Variants in ASAP2 observed in about 807,000 individuals in gnomAD.
ASAP2 encodes the protein ArfGAP with SH3 domain, ankyrin repeat and PH domain 2.
Under a neutral mutation model 131.4 loss-of-function variants are expected in ASAP2, and 45 were observed. That is an observed-to-expected ratio of 0.34 (90% CI 0.27 to 0.44). ASAP2 has a LOEUF of 0.44. Among genes scored for constraint, ASAP2 ranks in the 20% least tolerant of loss-of-function variants. ASAP2 has a pLI of 1.00. For synonymous variants in ASAP2, 510 were observed against 503.0 expected, an observed-to-expected ratio of 1.01 and a Z score of -0.19; for missense variants, 1,011 against 1,297.0, an observed-to-expected ratio of 0.78 and a Z score of 3.39.
intron 1 of ASAP2, among the ~76,000 whole-genome samples, chr2:9,270,867 A>T (rs1396343057): frequency 2.3e-5 from 3 of 131,576 alleles, no homozygotes; most frequent in Non-Finnish European, 4.6e-5. Context: ...ATCTCGGCTC[A>T]CTGCAAGCCC....
chr2:9,284,347 T>C (rs1013543406), intron 2 of ASAP2, among the ~76,000 whole-genome samples: 2 of 152,226 alleles, frequency 1.3e-5, no homozygotes, highest in African/African-American at 4.8e-5. Context: ...TGCTCCTGAT[T>C]GTTCTCTAGT....
chr2:9,387,077 G>GGC (rs386642992), intron 21 of ASAP2, among the ~76,000 whole-genome samples: 3 of 148,524 alleles, frequency 2.0e-5, no homozygotes, highest in Non-Finnish European at 4.5e-5. Context: ...TTGGTGGTGG[G>GGC]TGGGGGGGCG....
At chr2:9,347,770 C>T (rs1226990199) in intron 11 of ASAP2, among the ~76,000 whole-genome samples, 1 of 152,206 alleles carries the variant, frequency 6.6e-6, no homozygotes, top group Non-Finnish European at 1.5e-5. Flanking sequence ...AGGATTGCCA[C>T]ACCACTGAGG....
At chr2:9,327,076 C>T (rs1296845503) in intron 6 of ASAP2, among the ~76,000 whole-genome samples, 1 of 152,208 alleles carries the variant, frequency 6.6e-6, no homozygotes, top group Non-Finnish European at 1.5e-5. Flanking sequence ...CTTTCCACCT[C>T]CTCCTTGGGC....
At chr2:9,366,054 C>G (rs952281279) in intron 15 of ASAP2, among the ~76,000 whole-genome samples, 2 of 152,152 alleles carry the variant, frequency 1.3e-5, no homozygotes, top group Non-Finnish European at 2.9e-5. Flanking sequence ...TTCCTGCCCC[C>G]TTGGTTTCTG....
intron 1 of ASAP2, among the ~76,000 whole-genome samples, chr2:9,273,323 T>C (rs1666538581): frequency 6.6e-6 from 1 of 152,222 alleles, no homozygotes; most frequent in South Asian, 2.1e-4. Context: ...GGGATTATTT[T>C]CTTGATTGCT....
intron 11 of ASAP2, among the ~76,000 whole-genome samples, chr2:9,348,152 G>C (rs2148620263): frequency 6.6e-6 from 1 of 151,892 alleles, no homozygotes; most frequent in African/African-American, 2.4e-5. Flanking sequence ...TTTTCTTTTT[G>C]AGACGGAGTC....
At chr2:9,400,300 C>CTGCCCCCT in intron 25 of ASAP2, among the ~76,000 whole-genome samples, 1 of 104,824 alleles carries the variant, frequency 9.5e-6, no homozygotes, top group Non-Finnish European at 1.9e-5. Flanking sequence ...TTCCTTCCTC[C>CTGCCCCCT]CCCACTCCTG....
chr2:9,401,225 G>C lies in ASAP2; in HGVS notation c.2824-49G>C, dbSNP rs772035480. 2.5e-6 allele frequency: 4 copies of C among 1,608,010 alleles called. No homozygotes were observed. In the South Asian group the frequency reaches 3.3e-5, roughly 13 times the overall value. ...AGGGTGCTTGAGCTCTCTGCCCTGA[G>C]AGCTGAGGCCTGCAGCCACACTAAC... On this transcript the variant is annotated intron_variant, in intron 26 of 27. Transcript: ENST00000281419.
intron 17 of ASAP2, among the ~76,000 whole-genome samples, chr2:9,376,562 GA>G (rs1433223108): frequency 1.3e-5 from 2 of 152,210 alleles, no homozygotes; most frequent in Admixed American, 1.3e-4. Context: ...TGGCCTGGGG[GA>G]CCTTCCTGGA....
chr2:9,339,619 G>A (rs1671444489), intron 9 of ASAP2, among the ~76,000 whole-genome samples: 1 of 152,100 alleles, frequency 6.6e-6, no homozygotes, highest in Non-Finnish European at 1.5e-5. Flanking sequence ...CCCTCATGGT[G>A]TCGCGCTCTT....
At chr2:9,331,175 G>T (rs1299373047) in intron 7 of ASAP2, among the ~76,000 whole-genome samples, 2 of 152,260 alleles carry the variant, frequency 1.3e-5, no homozygotes, top group Non-Finnish European at 2.9e-5. Flanking sequence ...GCACACTGCT[G>T]TGCTCCGCCA....
At chr2:9,237,169 A>C (rs958514640) in intron 1 of ASAP2, among the ~76,000 whole-genome samples, 8 of 151,692 alleles carry the variant, frequency 5.3e-5, no homozygotes, top group Non-Finnish European at 1.2e-4. Flanking sequence ...TTTTTAAAAA[A>C]AGAGAGTTAA....
Position 9,281,493 on chromosome 2 carries a change from C to T in ASAP2, c.199+2104C>T, listed in dbSNP as rs930554311. Among the ~76,000 whole-genome samples the T allele has an allele frequency of 6.6e-6, 1 of 152,190 alleles. No individual in the cohort carries two copies. Among genetic ancestry groups the T allele is most frequent in the African/African-American group, 2.4e-5 (1 of 41,442 alleles). On this transcript the variant is annotated intron_variant, in intron 2 of 27. Coordinates refer to ENST00000281419, the MANE Select transcript of ASAP2 (RefSeq NM_003887.3). This position sits in a 1 kb window ranked among gnomAD's most constrained non-coding sequence, Gnocchi z 4.0. ...TGCCATGCTGACCTATATTGCTGAG[C>T]GTGTACCACAAACCTCATTCCTATT...
intron 16 of ASAP2, among the ~76,000 whole-genome samples, chr2:9,370,958 C>T (rs1673899457): frequency 6.6e-6 from 1 of 152,164 alleles, no homozygotes; most frequent in Admixed American, 6.5e-5. Flanking sequence ...GGTACCAGCA[C>T]CCTGTAATGC....
Position 9,388,492 on chromosome 2 carries a change from G to T in ASAP2, c.2329G>T (p.Ala777Ser). 1.2e-6 allele frequency: 2 copies of T among 1,613,812 alleles called. No homozygotes were observed. The highest frequency in any genetic ancestry group is 1.7e-6 in the Non-Finnish European group (2 of 1,179,926). Residue 777 changes from alanine to serine, a missense_variant, in exon 22 of 28, where the codon GCA becomes TCA. This residue lies in a region of ASAP2 where 652 missense variants were observed against 698.9 expected (regional missense o/e 0.93). Coordinates refer to ENST00000281419, the MANE Select transcript of ASAP2 (RefSeq NM_003887.3). ...LSGSPPPAQP[A>S]APSTTSAPPL... ...TGGCAGCCCACCTCCCGCCCAGCCTGCAGCCCCCAGCACCACCAGCGCCCC... is the reference window on the plus strand; with the variant it reads ...TGGCAGCCCACCTCCCGCCCAGCCTTCAGCCCCCAGCACCACCAGCGCCCC...
rs944145888 is a variant in ASAP2, at chr2:9,360,554, C to T, written c.1461+1665C>T. ...CCCAACAAATGTTTAACAGTCAACT[C>T]TGGAGAAAAAAGAACCCTGGTTTGC... is the stretch of plus-strand genomic sequence containing the variant. On this transcript the variant is annotated intron_variant, in intron 15 of 27. Coordinates refer to ENST00000281419, the MANE Select transcript of ASAP2 (RefSeq NM_003887.3). Among the ~76,000 whole-genome samples, 4 of 152,140 alleles carry T rather than the reference C, an allele frequency of 2.6e-5. 1 individual carries two copies. Among genetic ancestry groups the T allele is most frequent in the Admixed American group, 2.6e-4 (4 of 15,252 alleles).
intron 1 of ASAP2, among the ~76,000 whole-genome samples, chr2:9,275,088 T>TG (rs79444693): frequency 1.3e-5 from 2 of 150,302 alleles, no homozygotes; most frequent in African/African-American, 2.5e-5. Context: ...GTCTGTTTTT[T>TG]TTTTTTTTTT....
chr2:9,254,254 T>TATATATATATATAAACACAC (rs1553297027), intron 1 of ASAP2, among the ~76,000 whole-genome samples: 1 of 65,764 alleles, frequency 1.5e-5, no homozygotes, highest in Non-Finnish European at 2.8e-5. Context: ...TATATATATA[T>TATATATATATATAAACACAC]ACACGTGTGT....
Sources: allele counts gnomAD v4.1 joint callset (sites outside exome capture counted in the v4.1 genomes callset), GRCh38; gene constraint gnomAD v4.1.1; regional missense constraint gnomAD v4.1.1; non-coding constraint Gnocchi (gnomAD v3.1); transcripts MANE v1.5; gene names NCBI Gene and HGNC (gene_info 2026-07-23, HGNC 2026-07-21).